Variants in WDR27 observed in about 807,000 individuals in gnomAD.
WDR27 encodes the protein WD repeat domain 27, also known as WD repeat-containing protein 27.
Under a neutral mutation model 114.4 loss-of-function variants are expected in WDR27, and 100 were observed. That is an observed-to-expected ratio of 0.87 (90% CI 0.74 to 1.03). WDR27 has a LOEUF of 1.03. Among genes scored for constraint, WDR27 ranks in the 50% least tolerant of loss-of-function variants. The probability of loss-of-function intolerance (pLI) is 0.00; values close to 1 mark genes in which losing one functional copy is unlikely to be tolerated. For missense variants in WDR27, 1,129 were observed against 1,092.9 expected (o/e 1.03, Z -0.47); for synonymous variants, 449 against 423.1 (o/e 1.06, Z -0.75).
At chr6:169,601,002 C>A (rs1807870242) in intron 23 of WDR27, among the ~76,000 whole-genome samples, 1 of 152,126 alleles carries the variant, frequency 6.6e-6, no homozygotes, top group Admixed American at 6.5e-5. Context: ...AACTCCAAGA[C>A]ACATTATTGT....
chr6:169,465,257 T>TA (rs1785412229), intron 25 of WDR27, among the ~76,000 whole-genome samples: 1 of 19,910 alleles, frequency 5.0e-5, no homozygotes, highest in African/African-American at 3.6e-4. Context: ...AAACTCCATC[T>TA]CAAAAAAAAA....
chr6:169,520,005 C>T (rs1236769563), intron 25 of WDR27, among the ~76,000 whole-genome samples: 4 of 152,140 alleles, frequency 2.6e-5, no homozygotes, highest in Admixed American at 1.3e-4. Context: ...GGAGACCTCT[C>T]CCTCCCTAAA....
In WDR27 at chr6:169,613,603, C is replaced by T. The variant is rs568862893; in HGVS notation, c.2277G>A (p.Thr759=). 1.9e-5 allele frequency: 31 copies of T among 1,613,770 alleles called. No homozygotes were observed. The highest frequency in any genetic ancestry group is 2.5e-5 in the Non-Finnish European group (29 of 1,179,792). Residue 759 remains threonine, a synonymous_variant, in exon 22 of 26, where the codon ACG becomes ACA. Coordinates refer to ENST00000448612, the MANE Select transcript of WDR27 (RefSeq NM_182552.5). The part of the protein sequence containing the change: ...QPQAYNLFLT[T]AIGDGMRLWD... ...ACAGTCTCATCCCATCGCCAATGGCCGTGGTCAGGAAAAGGTTATAAGCCT... is the reference window on the plus strand; with the variant it reads ...ACAGTCTCATCCCATCGCCAATGGCTGTGGTCAGGAAAAGGTTATAAGCCT...
chr6:169,614,800 G>A (rs1160677744), intron 21 of WDR27, among the ~76,000 whole-genome samples: 1 of 152,078 alleles, frequency 6.6e-6, no homozygotes, highest in Non-Finnish European at 1.5e-5. Flanking sequence ...AATATTTACA[G>A]ATCATCTACT....
chr6:169,613,207 C>A (rs1811008124), intron 22 of WDR27, among the ~76,000 whole-genome samples: 1 of 152,158 alleles, frequency 6.6e-6, no homozygotes, highest in Non-Finnish European at 1.5e-5. Context: ...TACGGGGGTG[C>A]TCGGTGCCTA....
chr6:169,534,108 G>A (rs1795944070), intron 25 of WDR27, among the ~76,000 whole-genome samples: 1 of 152,112 alleles, frequency 6.6e-6, no homozygotes, highest in African/African-American at 2.4e-5. Flanking sequence ...TATCACGGAT[G>A]GTTGTTACAT....
At chr6:169,538,922 G>C (rs185732564) in intron 25 of WDR27, among the ~76,000 whole-genome samples, 34 of 152,250 alleles carry the variant, frequency 2.2e-4, no homozygotes, top group Non-Finnish European at 4.3e-4. Context: ...AGGCCATATA[G>C]TTTCTCGCAC....
At chr6:169,605,752 A>G (rs1215540163) in intron 22 of WDR27, among the ~76,000 whole-genome samples, 2 of 152,146 alleles carry the variant, frequency 1.3e-5, no homozygotes, top group Non-Finnish European at 2.9e-5. Context: ...GTACTGGTAT[A>G]AAAATAGACA....
intron 23 of WDR27, among the ~76,000 whole-genome samples, chr6:169,592,147 T>C (rs1163577786): frequency 6.6e-6 from 1 of 152,186 alleles, no homozygotes; most frequent in East Asian, 1.9e-4. Context: ...CATCATCATG[T>C]TCTTTTTTCC....
Position 169,576,569 on chromosome 6 carries a change from TG to T in WDR27, c.2524-4030del, listed in dbSNP as rs1382441342. Among the ~76,000 whole-genome samples, 12 of 152,262 alleles carry T rather than the reference TG, an allele frequency of 7.9e-5. No individual in the cohort carries two copies. In the East Asian group the frequency reaches 2.3e-3, roughly 29 times the overall value. The stretch of plus-strand genomic sequence containing the variant: ...TGAGGGCAGGAGTTTGAGACCAGCC[TG>T]GGCAAAATAGTGAGACCCCATCTCT... On this transcript the variant is annotated intron_variant, in intron 24 of 25. Transcript: ENST00000448612.
chr6:169,645,820 C>T (rs145551049), intron 16 of WDR27, among the ~76,000 whole-genome samples: 2,317 of 143,252 alleles, frequency 0.016, 58 homozygotes, highest in African/African-American at 0.063. Flanking sequence ...TCACAGGAGT[C>T]ACACTGTAGA....
chr6:169,509,388 G>A (rs1447052956), intron 25 of WDR27, among the ~76,000 whole-genome samples: 1 of 152,120 alleles, frequency 6.6e-6, no homozygotes, highest in Non-Finnish European at 1.5e-5. Flanking sequence ...TATACTACAA[G>A]GCTACAGTAA....
At chr6:169,665,656 C>A in intron 6 of WDR27, 100 bp from the exon 7 acceptor site, 1 of 1,105,732 alleles carries the variant, frequency 9.0e-7, no homozygotes. Flanking sequence ...GTAATATTTA[C>A]TTACAGTATT....
intron 25 of WDR27, among the ~76,000 whole-genome samples, chr6:169,564,304 A>G (rs1800111836): frequency 1.3e-5 from 2 of 152,196 alleles, no homozygotes; most frequent in South Asian, 2.1e-4. Flanking sequence ...CCAAGCCGGC[A>G]GCTGATTAGA....
At chr6:169,453,284 C>A (rs181137276), downstream of WDR27, among the ~76,000 whole-genome samples, 18 of 152,076 alleles carry the variant, frequency 1.2e-4, no homozygotes, top group African/African-American at 3.9e-4. Flanking sequence ...CATGTGGAGA[C>A]AATTAAGTTG....
At chr6:169,592,618 T>G (rs1048153182) in intron 23 of WDR27, among the ~76,000 whole-genome samples, 1 of 152,258 alleles carries the variant, frequency 6.6e-6, no homozygotes, top group Non-Finnish European at 1.5e-5. Context: ...AGATATGCAA[T>G]CTTGTCACCT....
chr6:169,687,203 T>G lies in WDR27; in HGVS notation c.189+1614A>C, dbSNP rs1783221706. On this transcript the variant is annotated intron_variant, in intron 2 of 25. Transcript: ENST00000448612. ...TGATGGCCATCCCAATTATCCTGAT[T>G]TGATCATAACACATTGTATACTTGT... 2.6e-5 allele frequency among the ~76,000 whole-genome samples: 4 copies of G among 152,280 alleles called. No homozygotes were observed. The South Asian group carries it at 8.3e-4, about 32-fold the overall frequency.
chr6:169,518,918 A>C (rs1038375381), intron 25 of WDR27, among the ~76,000 whole-genome samples: 3 of 152,184 alleles, frequency 2.0e-5, no homozygotes, highest in Admixed American at 2.0e-4. Flanking sequence ...CACATCTTGA[A>C]CACTTTGTTG....
chr6:169,625,933 G>C (rs756065242), intron 21 of WDR27, among the ~76,000 whole-genome samples: 1 of 152,204 alleles, frequency 6.6e-6, no homozygotes, highest in Non-Finnish European at 1.5e-5. Context: ...GGGTGTGAGA[G>C]AATGGCCCAG....
Sources: allele counts gnomAD v4.1 joint callset (sites outside exome capture counted in the v4.1 genomes callset), GRCh38; gene constraint gnomAD v4.1.1; transcripts MANE v1.5; gene names NCBI Gene and HGNC (gene_info 2026-07-23, HGNC 2026-07-21).